The following MEOX2 variants were observed in gnomAD, a reference collection of about 807,000 sequenced individuals.
The protein encoded by MEOX2 is mesenchyme homeobox 2.
A neutral mutation model predicts 27.0 loss-of-function variants in MEOX2; 11 were observed. The ratio of observed to expected loss-of-function variants is 0.41; its 90% CI spans 0.26 to 0.68. MEOX2 has a LOEUF of 0.68. Ranked by LOEUF, MEOX2 falls within the 30% of genes least tolerant of loss-of-function variation. MEOX2 has a pLI of 0.33. For synonymous variants in MEOX2, 189 were observed against 155.4 expected (o/e 1.22, Z -1.61); for missense variants, 436 against 385.4 (o/e 1.13, Z -1.10).
chr7:15,661,038 A>AAAAAAAG (rs1781907453), intron 1 of MEOX2, among the ~76,000 whole-genome samples: 1 of 150,640 alleles, frequency 6.6e-6, no homozygotes, highest in Non-Finnish European at 1.5e-5. Context: ...AAAAAAAAAA[A>AAAAAAAG]AAAGAGAAAG....
intron 1 of MEOX2, among the ~76,000 whole-genome samples, chr7:15,662,826 G>C (rs1286365399): frequency 6.6e-6 from 1 of 152,058 alleles, no homozygotes; most frequent in Admixed American, 6.6e-5. Flanking sequence ...CTGAATGCAG[G>C]ACATATGAAA....
At position 15,667,289 on chromosome 7, in the gene MEOX2, C is replaced by CAAA. The variant is rs532691969; in HGVS notation, c.517+18594_517+18596dup. Among the ~76,000 whole-genome samples, 136 of 40,968 alleles carry CAAA rather than the reference C, an allele frequency of 3.3e-3. 10 individuals carry two copies. Among genetic ancestry groups the CAAA allele is most frequent in the Non-Finnish European group, 4.7e-3 (114 of 24,200 alleles). 26.9% of individuals were successfully genotyped at this position (40,968 alleles called of 152,430 possible). On this transcript the variant is annotated intron_variant, in intron 1 of 2. Coordinates refer to ENST00000262041, the MANE Select transcript of MEOX2 (RefSeq NM_005924.5). ...CTGGCAACAGAGTGAGACTCTGTCTCAAAAAAAAAAAAAAAAAAAAAAAGT... is the reference window on the plus strand; with the variant it reads ...CTGGCAACAGAGTGAGACTCTGTCTCAAAAAAAAAAAAAAAAAAAAAAAAAAGT...
In MEOX2 at chr7:15,612,536, C is replaced by T; in HGVS notation, c.766G>A (p.Glu256Lys). The T allele has an allele frequency of 2.5e-6, 4 of 1,614,176 alleles. No individual in the cohort carries two copies. The highest frequency in any genetic ancestry group is 3.4e-6 in the Non-Finnish European group (4 of 1,180,038). The change falls in exon 3 of 3, where the codon GAA becomes AAA. Residue 256 changes from glutamate to lysine, a missense_variant. Glu to Lys is a moderately conservative substitution (Grantham distance 56). Coordinates refer to ENST00000262041, the MANE Select transcript of MEOX2 (RefSeq NM_005924.5). ...TTTTTCACATTCACCAGTTCCTTTT[C>T]CCGAGCCGCAGCTCCTTGCTGTCCA... is the stretch of plus-strand genomic sequence containing the variant. ...KGGQQGAAAR[E>K]KELVNVKKGT...
At chr7:15,674,718 T>A (rs1341441967) in intron 1 of MEOX2, among the ~76,000 whole-genome samples, 1 of 152,164 alleles carries the variant, frequency 6.6e-6, no homozygotes, top group Non-Finnish European at 1.5e-5. Context: ...ACAAGAATGG[T>A]CAATGTTAGA....
In MEOX2 at chr7:15,664,694, G is replaced by A. The variant is rs138515488; in HGVS notation, c.517+21192C>T. Among the ~76,000 whole-genome samples the A allele has an allele frequency of 3.9e-4, 60 of 152,218 alleles. 2 individuals are homozygous for A. The East Asian group carries it at 7.7e-3, about 20-fold the overall frequency. On this transcript the variant is annotated intron_variant, in intron 1 of 2. Transcript: ENST00000262041. ...AATTCCTAACATTTTCTCTTCAAAC[G>A]TCCTATGTTCCCACAAATCAGTCTT...
At chr7:15,643,217 T>A (rs976147868) in intron 1 of MEOX2, among the ~76,000 whole-genome samples, 1 of 152,108 alleles carries the variant, frequency 6.6e-6, no homozygotes, top group Admixed American at 6.5e-5. Context: ...GCAGTGGGAT[T>A]TTTGCTTGGC....
intron 1 of MEOX2, among the ~76,000 whole-genome samples, chr7:15,636,598 A>AT (rs1262063878): frequency 2.0e-5 from 3 of 152,058 alleles, no homozygotes; most frequent in Non-Finnish European, 4.4e-5. Context: ...GATTTTCCCA[A>AT]TTAGAGAGCA....
chr7:15,679,590 C>A (rs1458626612), intron 1 of MEOX2: 1 of 151,942 alleles, frequency 6.6e-6, no homozygotes, highest in Non-Finnish European at 1.5e-5. Context: ...CACTGAGTTA[C>A]TACCTAGTAA....
intron 1 of MEOX2, among the ~76,000 whole-genome samples, chr7:15,638,361 C>T (rs568614106): frequency 2.6e-5 from 4 of 151,904 alleles, no homozygotes; most frequent in East Asian, 3.9e-4. Context: ...TATTTATGTA[C>T]GTTTGTATGT....
At chr7:15,632,594 AT>A (rs1781420895) in intron 1 of MEOX2, among the ~76,000 whole-genome samples, 1 of 151,902 alleles carries the variant, frequency 6.6e-6, no homozygotes. Context: ...AAAACAAAGT[AT>A]TTTTGTTAAA....
At chr7:15,628,637 C>A (rs1409779283) in intron 1 of MEOX2, among the ~76,000 whole-genome samples, 16 of 152,050 alleles carry the variant, frequency 1.1e-4, no homozygotes, top group Admixed American at 9.2e-4. Flanking sequence ...CCACTGGGAC[C>A]AGGTGAGTGA....
At chr7:15,627,390 T>C (rs548127892) in intron 1 of MEOX2, among the ~76,000 whole-genome samples, 1 of 152,254 alleles carries the variant, frequency 6.6e-6, no homozygotes, top group East Asian at 1.9e-4. Context: ...ATGCTCAGAC[T>C]GAGCGTATGT....
intron 1 of MEOX2, among the ~76,000 whole-genome samples, chr7:15,667,421 T>C (rs1314806946): frequency 6.6e-6 from 1 of 152,070 alleles, no homozygotes; most frequent in African/African-American, 2.4e-5. Context: ...TTATACCCTC[T>C]GTCACAGATT....
intron 1 of MEOX2, among the ~76,000 whole-genome samples, chr7:15,631,919 T>TGTGTGTGTGTGTGTGC (rs1346225146): frequency 6.6e-6 from 1 of 150,932 alleles, no homozygotes; most frequent in African/African-American, 2.4e-5. Flanking sequence ...TGTGTGTGTG[T>TGTGTGTGTGTGTGTGC]GTGTGTGTGT....
At chr7:15,642,900 A>C (rs1014966547) in intron 1 of MEOX2, among the ~76,000 whole-genome samples, 7 of 152,104 alleles carry the variant, frequency 4.6e-5, no homozygotes, top group Non-Finnish European at 1.0e-4. Flanking sequence ...ACCTTAGTTT[A>C]GTGGTTTTCT....
chr7:15,633,480 T>C (rs1212247390), intron 1 of MEOX2, among the ~76,000 whole-genome samples: 1 of 151,954 alleles, frequency 6.6e-6, no homozygotes, highest in Admixed American at 6.6e-5. Flanking sequence ...AGCCCTCTTA[T>C]GGCATCAGAT....
intron 1 of MEOX2, among the ~76,000 whole-genome samples, chr7:15,675,583 A>G (rs891975527): frequency 6.6e-6 from 1 of 152,236 alleles, no homozygotes; most frequent in Non-Finnish European, 1.5e-5. Flanking sequence ...ATGGACAGAC[A>G]TTACTTAACT....
At chr7:15,635,627 G>A (rs1386964995) in intron 1 of MEOX2, among the ~76,000 whole-genome samples, 2 of 152,028 alleles carry the variant, frequency 1.3e-5, no homozygotes, top group African/African-American at 2.4e-5. Context: ...CTTAGCAATT[G>A]AAAATTATGC....
chr7:15,618,159 G>C (rs1363692548), intron 2 of MEOX2, among the ~76,000 whole-genome samples: 1 of 151,708 alleles, frequency 6.6e-6, no homozygotes, highest in Non-Finnish European at 1.5e-5. Context: ...TTTATACCTG[G>C]TAAAATTCAA....
Sources: allele counts gnomAD v4.1 joint callset (sites outside exome capture counted in the v4.1 genomes callset), GRCh38; gene constraint gnomAD v4.1.1; transcripts MANE v1.5; gene names NCBI Gene and HGNC (gene_info 2026-07-23, HGNC 2026-07-21).